The following PLEKHS1 variants were observed in gnomAD, a reference collection of about 807,000 sequenced individuals.
PLEKHS1 encodes pleckstrin homology domain-containing family S member 1.
In PLEKHS1, 55 loss-of-function variants were observed where a neutral mutation model predicts 51.0. The observed-to-expected ratio is 1.08, with a 90% CI of 0.87 to 1.35. PLEKHS1 has a LOEUF of 1.35. Among genes scored for constraint, PLEKHS1 ranks in the 40% most tolerant of loss-of-function variants. The pLI is 0.00. For synonymous variants in PLEKHS1, 153 were observed against 144.8 expected (o/e 1.06, Z -0.41); for missense variants, 398 against 423.0 (o/e 0.94, Z 0.52).
Position 113,768,821 on chromosome 10 carries a change from G to T in PLEKHS1, c.366G>T (p.Lys122Asn). 1 of 1,613,352 alleles carries T rather than the reference G, an allele frequency of 6.2e-7. No individual in the cohort carries two copies. The highest frequency in any genetic ancestry group is 2.2e-5 in the East Asian group (1 of 44,858). ...AGTTTATTCCTGTCAACAGGGAGAAGATTAAAGACTGGGTCTCCTTCATGT... is the reference window on the plus strand; with the variant it reads ...AGTTTATTCCTGTCAACAGGGAGAATATTAAAGACTGGGTCTCCTTCATGT... The change falls in exon 6 of 12, where the codon AAG (lysine) becomes AAT (asparagine). Residue 122 changes from lysine to asparagine, a missense_variant. Lys to Asn is a moderately conservative substitution (Grantham distance 94, BLOSUM62 0). Coordinates refer to ENST00000361048, the Ensembl canonical transcript of PLEKHS1.
At chr10:113,777,832 A>C (rs1361761815) in intron 11 of PLEKHS1, 34 of 1,364,084 alleles carry the variant, frequency 2.5e-5, no homozygotes, top group Non-Finnish European at 3.2e-5. Flanking sequence ...AGAATTAAAC[A>C]TAATATGTGG....
chr10:113,782,175 C>G (rs1469703849), exon 12 of PLEKHS1: 1 of 152,096 alleles, frequency 6.6e-6, no homozygotes, highest in Admixed American at 6.5e-5. Context: ...GAGTATTTTA[C>G]CATGCTTCAC....
intron 2 of PLEKHS1, among the ~76,000 whole-genome samples, chr10:113,764,125 G>A (rs531467071): frequency 8.5e-5 from 13 of 152,206 alleles, no homozygotes; most frequent in African/African-American, 3.1e-4. Flanking sequence ...TTTTGAGATG[G>A]AGTCTCACTC....
intron 8 of PLEKHS1, among the ~76,000 whole-genome samples, chr10:113,772,529 C>A (rs1434076502): frequency 6.6e-6 from 1 of 152,084 alleles, no homozygotes; most frequent in Non-Finnish European, 1.5e-5. Context: ...CAGTAGGAAG[C>A]CCTTACTGAA....
chr10:113,755,700 C>A (rs1314827918), intron 2 of PLEKHS1, among the ~76,000 whole-genome samples: 1 of 152,224 alleles, frequency 6.6e-6, no homozygotes, highest in African/African-American at 2.4e-5. Flanking sequence ...CCACCATGTA[C>A]AGCCCCAGAA....
At chr10:113,766,844 T>C (rs1844185424) in intron 4 of PLEKHS1, 126 bp downstream of exon 4, 4 of 697,114 alleles carry the variant, frequency 5.7e-6, no homozygotes, top group Non-Finnish European at 4.7e-6. Flanking sequence ...ATTATAATAT[T>C]TGTGACTGAA....
At position 113,755,194 on chromosome 10, in the gene PLEKHS1, GT is replaced by G. The variant is rs1211125925; in HGVS notation, c.-19-64del. 3 of 1,506,246 alleles carry G rather than the reference GT, an allele frequency of 2.0e-6. No homozygotes were observed. The East Asian group carries it at 7.3e-5, about 36-fold the overall frequency. The allele number at this position is 1,506,246 out of a possible 1,614,324, so 93.3% of individuals were successfully genotyped here. On this transcript the variant is annotated intron_variant, in intron 1 of 11. Coordinates refer to ENST00000361048, the Ensembl canonical transcript of PLEKHS1. ...CAATCCTGATACTCACTGACCAGCG[GT>G]GGCTGGTCAATGAAACACACGTAGT...
chr10:113,782,374 T>G (rs1844889379), exon 12 of PLEKHS1: 1 of 152,206 alleles, frequency 6.6e-6, no homozygotes, highest in South Asian at 2.1e-4. Context: ...TCAAATACAT[T>G]TCATTTCCTG....
At position 113,773,998 on chromosome 10, in the gene PLEKHS1, C is replaced by T. The variant is rs140151759; in HGVS notation, c.673-229C>T. 4.0e-4 allele frequency among the ~76,000 whole-genome samples: 61 copies of T among 152,238 alleles called. 1 individual carries two copies. The East Asian group carries it at 6.8e-3, about 17-fold the overall frequency. On this transcript the variant is annotated intron_variant, in intron 8 of 11. Transcript: ENST00000361048. Reference sequence around the variant, plus strand: ...GCTCAATAGAAATAACACTTGTATCCGGAGCATGAGGGATCCAGGAGAAGA... The same window carrying T: ...GCTCAATAGAAATAACACTTGTATCTGGAGCATGAGGGATCCAGGAGAAGA...
chr10:113,775,831 C>A, exon 11 of PLEKHS1: 2 of 1,613,004 alleles, frequency 1.2e-6, no homozygotes, highest in Non-Finnish European at 8.5e-7. Context: ...ATGTCATCAA[C>A]TATCTTGCTC....
chr10:113,754,388 T>C (rs1853999399), intron 1 of PLEKHS1, among the ~76,000 whole-genome samples: 1 of 152,120 alleles, frequency 6.6e-6, no homozygotes, highest in Non-Finnish European at 1.5e-5. Context: ...CTGCAGCCCT[T>C]CCCCTGAGGG....
At chr10:113,777,831 CAT>C in intron 11 of PLEKHS1, 1 of 1,363,500 alleles carries the variant, frequency 7.3e-7, no homozygotes, top group Non-Finnish European at 9.6e-7. Flanking sequence ...AAGAATTAAA[CAT>C]AATATGTGGT....
At chr10:113,774,146 A>C in intron 8 of PLEKHS1, 81 bp from the exon 9 acceptor site, 7 of 805,842 alleles carry the variant, frequency 8.7e-6, no homozygotes, top group Non-Finnish European at 1.2e-5. Flanking sequence ...GTCAGAGCCC[A>C]GAGCTGTTAA....
chr10:113,772,214 T>C lies in PLEKHS1; in HGVS notation c.672+125T>C, dbSNP rs1844444648. ...AACACAGAAGTAAATCAAATACAGA[T>C]GACGTGCTCATGGTGCTGACACTTG... On this transcript the variant is annotated intron_variant, in intron 8 of 11. Coordinates refer to ENST00000361048, the Ensembl canonical transcript of PLEKHS1. The C allele has an allele frequency of 3.0e-6, 3 of 1,010,950 alleles. No homozygotes were observed. The South Asian group carries it at 4.4e-5, about 15-fold the overall frequency. 62.6% of individuals were successfully genotyped at this position (1,010,950 alleles called of 1,614,324 possible).
rs557622491 is a variant in PLEKHS1, at chr10:113,773,075, C to T, written c.672+986C>T. Among the ~76,000 whole-genome samples the T allele has an allele frequency of 1.5e-3, 228 of 152,220 alleles. 1 individual carries two copies. Among genetic ancestry groups the T allele is most frequent in the African/African-American group, 5.2e-3 (218 of 41,534 alleles). ...CTGGGGGTTTTCCGTAAGATGGTGA[C>T]GTATGTTTATATAAAAGAAACATTC... On this transcript the variant is annotated intron_variant, in intron 8 of 11. Transcript: ENST00000361048.
At chr10:113,770,386 T>C (rs549535573) in intron 7 of PLEKHS1, among the ~76,000 whole-genome samples, 1 of 152,340 alleles carries the variant, frequency 6.6e-6, no homozygotes, top group East Asian at 1.9e-4. Context: ...ATGAAATCCA[T>C]TTGAAGACAT....
intron 1 of PLEKHS1, among the ~76,000 whole-genome samples, chr10:113,752,610 G>A (rs1237788124): frequency 1.3e-5 from 2 of 152,162 alleles, no homozygotes; most frequent in Non-Finnish European, 2.9e-5. Flanking sequence ...GAGGTGTAGA[G>A]AAGTATTATA....
intron 8 of PLEKHS1, among the ~76,000 whole-genome samples, chr10:113,772,350 G>C (rs570424566): frequency 7.9e-5 from 12 of 152,288 alleles, no homozygotes; most frequent in Admixed American, 7.2e-4. Flanking sequence ...TCAAACAAAA[G>C]ATCAGGAAGA....
In PLEKHS1 at chr10:113,769,830, C is replaced by A. The variant is rs1041923860; in HGVS notation, c.482C>A (p.Pro161His). 4 of 1,613,918 alleles carry A rather than the reference C, an allele frequency of 2.5e-6. No homozygotes were observed. The African/African-American group carries it at 5.3e-5, about 22-fold the overall frequency. The change falls in exon 7 of 12, where the codon CCT becomes CAT. Residue 161 changes from proline (P) to histidine (H), a missense_variant. Pro to His is a moderately conservative substitution (Grantham distance 77). Coordinates refer to ENST00000361048, the Ensembl canonical transcript of PLEKHS1. The stretch of plus-strand genomic sequence containing the variant: ...AAAAGAACCCTCTTCTACTCCAGCC[C>A]TCTCCTTGGCCCTTCCAGCACATCA...
Sources: allele counts gnomAD v4.1 joint callset (sites outside exome capture counted in the v4.1 genomes callset), GRCh38; gene constraint gnomAD v4.1.1; transcripts MANE v1.5; gene names NCBI Gene and HGNC (gene_info 2026-07-23, HGNC 2026-07-21).